The following NRG3 variants were observed in gnomAD, a reference collection of about 807,000 sequenced individuals.
NRG3 encodes pro-neuregulin-3, membrane-bound isoform.
Under a neutral mutation model 66.9 loss-of-function variants are expected in NRG3, and 31 were observed. That is an observed-to-expected ratio of 0.46 (90% CI 0.35 to 0.63). The LOEUF is 0.63. Ranked by LOEUF, NRG3 falls within the 20% of genes least tolerant of loss-of-function variation. NRG3 has a pLI of 0.00. For missense variants in NRG3, 910 were observed against 878.9 expected (o/e 1.04, Z -0.45); for synonymous variants, 393 against 359.4 (o/e 1.09, Z -1.06).
At chr10:82,694,413 A>G (rs2055207590) in intron 2 of NRG3, among the ~76,000 whole-genome samples, 1 of 152,104 alleles carries the variant, frequency 6.6e-6, no homozygotes, top group South Asian at 2.1e-4. Flanking sequence ...TTTTGTTGCT[A>G]TGTTTTATCT....
At chr10:81,992,831 T>G (rs1048268382) in intron 1 of NRG3, among the ~76,000 whole-genome samples, 2 of 152,182 alleles carry the variant, frequency 1.3e-5, no homozygotes, top group African/African-American at 4.8e-5. Flanking sequence ...CAGATACAAG[T>G]CCTGCAAGAT....
intron 1 of NRG3, among the ~76,000 whole-genome samples, chr10:82,050,663 G>A (rs147162936): frequency 1.2e-3 from 181 of 151,752 alleles, no homozygotes; most frequent in Non-Finnish European, 2.1e-3. Flanking sequence ...CTATGCCTTC[G>A]TAGACATTTT....
intron 2 of NRG3, among the ~76,000 whole-genome samples, chr10:82,511,314 A>G (rs891634589): frequency 6.6e-6 from 1 of 152,178 alleles, no homozygotes; most frequent in Admixed American, 6.5e-5. Flanking sequence ...TGTGTCCCCA[A>G]TTTGTGCACG....
chr10:82,032,365 C>A (rs2062609878), intron 1 of NRG3, among the ~76,000 whole-genome samples: 1 of 148,304 alleles, frequency 6.7e-6, no homozygotes, highest in Admixed American at 6.9e-5. Context: ...AAGTTTTTTC[C>A]CTCTCAGGCC....
chr10:82,576,529 G>A (rs944915201), intron 2 of NRG3, among the ~76,000 whole-genome samples: 1 of 151,670 alleles, frequency 6.6e-6, no homozygotes, highest in Non-Finnish European at 1.5e-5. Flanking sequence ...ACAAAAGCAG[G>A]CTGTCACATT....
At chr10:82,566,020 T>C (rs2045381772) in intron 2 of NRG3, among the ~76,000 whole-genome samples, 1 of 152,072 alleles carries the variant, frequency 6.6e-6, no homozygotes, top group Non-Finnish European at 1.5e-5. Flanking sequence ...ACTAGTGACT[T>C]AGTTTCGTCT....
At chr10:82,487,790 T>C (rs1400318558) in intron 2 of NRG3, among the ~76,000 whole-genome samples, 2 of 152,216 alleles carry the variant, frequency 1.3e-5, no homozygotes, top group Non-Finnish European at 2.9e-5. Context: ...CCTCTGGGTG[T>C]CTCATGAAAA....
intron 2 of NRG3, among the ~76,000 whole-genome samples, chr10:82,481,100 CTA>C (rs1392651230): frequency 6.6e-6 from 1 of 152,224 alleles, no homozygotes; most frequent in Non-Finnish European, 1.5e-5. Context: ...TCATTCCCAG[CTA>C]CCATCTCATG....
intron 4 of NRG3, among the ~76,000 whole-genome samples, chr10:82,867,902 G>A (rs1048376451): frequency 6.6e-6 from 1 of 152,148 alleles, no homozygotes; most frequent in Non-Finnish European, 1.5e-5. Flanking sequence ...GCAGTGATTC[G>A]TAGCATGGAG....
intron 4 of NRG3, among the ~76,000 whole-genome samples, chr10:82,912,065 C>G (rs1207109518): frequency 6.6e-6 from 1 of 151,982 alleles, no homozygotes; most frequent in East Asian, 1.9e-4. Flanking sequence ...ATATAATTTT[C>G]ATGTGTTAAG....
At chr10:82,815,272 C>T (rs1330743220) in intron 3 of NRG3, among the ~76,000 whole-genome samples, 3 of 152,146 alleles carry the variant, frequency 2.0e-5, no homozygotes, top group Admixed American at 2.0e-4. Context: ...TCAGGACCTC[C>T]CTTGCATCTC....
chr10:82,352,355 TAG>T (rs34332551), intron 1 of NRG3, among the ~76,000 whole-genome samples: 3,331 of 152,340 alleles, frequency 0.022, 66 homozygotes, highest in Admixed American at 0.059. Context: ...TCATTTTTGT[TAG>T]ACTTTGATAA....
intron 1 of NRG3, among the ~76,000 whole-genome samples, chr10:82,179,164 A>G (rs966685553): frequency 1.3e-5 from 2 of 151,964 alleles, no homozygotes; most frequent in South Asian, 4.1e-4. Context: ...TATCAGATAT[A>G]TGGTTGGAAA....
At chr10:81,980,859 A>T (rs2060307816) in intron 1 of NRG3, among the ~76,000 whole-genome samples, 1 of 152,168 alleles carries the variant, frequency 6.6e-6, no homozygotes, top group Admixed American at 6.5e-5. Flanking sequence ...TTTTGTGCAC[A>T]CACATCTCTG....
chr10:82,884,146 TA>T (rs1249157167), intron 4 of NRG3, among the ~76,000 whole-genome samples: 3 of 149,652 alleles, frequency 2.0e-5, no homozygotes, highest in Non-Finnish European at 4.4e-5. Context: ...TGTCTACCAT[TA>T]AAAATTTCCC....
intron 2 of NRG3, among the ~76,000 whole-genome samples, chr10:82,626,683 C>A (rs2049445602): frequency 6.6e-6 from 1 of 152,094 alleles, no homozygotes; most frequent in Non-Finnish European, 1.5e-5. Context: ...GGACCCATTT[C>A]CACACCCTGC....
intron 1 of NRG3, among the ~76,000 whole-genome samples, chr10:82,142,136 C>T (rs2069839754): frequency 6.6e-6 from 1 of 152,144 alleles, no homozygotes; most frequent in Non-Finnish European, 1.5e-5. Context: ...CCAAGAACAT[C>T]TTGTTGAGGA....
intron 3 of NRG3, among the ~76,000 whole-genome samples, chr10:82,751,324 A>G (rs17100728): frequency 0.11 from 15,976 of 152,130 alleles, 2,627 homozygotes; most frequent in African/African-American, 0.35. Context: ...AAACCATGAG[A>G]AGGTTATCAA....
intron 1 of NRG3, among the ~76,000 whole-genome samples, chr10:81,920,144 C>T (rs1033012410): frequency 6.6e-6 from 1 of 152,018 alleles, no homozygotes; most frequent in African/African-American, 2.4e-5. Context: ...AGAAAGGGAG[C>T]CTTGACTTCA....
Sources: gnomAD v4.1 joint callset for allele counts (sites outside exome capture counted in the v4.1 genomes callset) on GRCh38, gnomAD v4.1.1 for gene constraint, MANE v1.5 for transcripts, NCBI Gene and HGNC (gene_info 2026-07-23, HGNC 2026-07-21) for gene names.